CDC42: variants seen among roughly 807,000 people sequenced by gnomAD.
The protein encoded by CDC42 is cell division control protein 42 homolog.
Under a neutral mutation model 20.8 loss-of-function variants are expected in CDC42, and 1 was observed. The ratio of observed to expected loss-of-function variants is 0.05; its 90% confidence interval spans 0.02 to 0.23. The LOEUF is 0.23. Ranked by LOEUF, CDC42 falls within the 10% of genes least tolerant of loss-of-function variation. The pLI is 1.00. For missense variants in CDC42, 49 were observed against 227.9 expected, an observed-to-expected ratio of 0.21 and a Z score of 5.05; for synonymous variants, 72 against 84.8, an observed-to-expected ratio of 0.85 and a Z score of 0.83.
chr1:22,081,034 T>TG (rs1645602000), intron 2 of CDC42, among the ~76,000 whole-genome samples: 1 of 152,088 alleles, frequency 6.6e-6, no homozygotes, highest in Non-Finnish European at 1.5e-5. Context: ...CTGGGTGTGG[T>TG]GGCATGCACC....
chr1:22,056,998 T>C (rs1321352061), intron 1 of CDC42, among the ~76,000 whole-genome samples: 1 of 152,260 alleles, frequency 6.6e-6, no homozygotes, highest in Non-Finnish European at 1.5e-5. Context: ...ATTTCAATTC[T>C]GCTGTGTGTT....
At chr1:22,088,717 G>A (rs1297352519) in intron 5 of CDC42, among the ~76,000 whole-genome samples, 2 of 152,148 alleles carry the variant, frequency 1.3e-5, no homozygotes, top group African/African-American at 2.4e-5. Context: ...GTTTCTAATA[G>A]TCCTCCTCCT....
intron 1 of CDC42, among the ~76,000 whole-genome samples, chr1:22,066,956 A>G (rs2473319): frequency 0.95 from 144,004 of 152,226 alleles, 68,204 homozygotes; most frequent in East Asian, 1. Flanking sequence ...CCAGCTACTC[A>G]GGAAGTTGAG....
chr1:22,070,470 TTTTTTTTTTTTG>T, intron 1 of CDC42, among the ~76,000 whole-genome samples: 2 of 122,154 alleles, frequency 1.6e-5, no homozygotes, highest in South Asian at 2.8e-4. Flanking sequence ...TTTTTTTTTT[TTTTTTTTTTTTG>T]AGACAGAGTC....
At position 22,054,953 on chromosome 1, in the gene CDC42, T is replaced by A. The variant is rs1294179357; in HGVS notation, c.-51+2211T>A. On this transcript the variant is annotated intron_variant, in intron 1 of 5. Transcript: ENST00000656825. ...TTTTTTTTTTTTTTTTTTTTTTTTT[T>A]TTTTTTTTTTTTTTTTTTGAGAAGG... Among the ~76,000 whole-genome samples, 132 of 45,854 alleles carry A rather than the reference T, an allele frequency of 2.9e-3. 6 individuals carry two copies. Among genetic ancestry groups the A allele is most frequent in the East Asian group, 4.0e-3 (6 of 1,486 alleles). The allele number at this position is 45,854 out of a possible 152,430, so 30.1% of individuals were successfully genotyped here.
chr1:22,084,538 T>A (rs974260237), intron 3 of CDC42, among the ~76,000 whole-genome samples: 1 of 152,022 alleles, frequency 6.6e-6, no homozygotes, highest in African/African-American at 2.4e-5. Flanking sequence ...GGGTAAGTTT[T>A]AGGAGTTCTT....
Position 22,081,854 on chromosome 1 carries a change from CT to C in CDC42, c.178+62del, listed in dbSNP as rs574782905. 38 of 1,089,828 alleles carry C rather than the reference CT, an allele frequency of 3.5e-5. No homozygotes were observed. In the East Asian group the frequency reaches 7.1e-4, roughly 20 times the overall value. The allele number at this position is 1,089,828 out of a possible 1,614,324, so 67.5% of individuals were successfully genotyped here. A position where few individuals can be genotyped will look rare whatever the true frequency, so the allele number is the denominator to read the frequency against. On this transcript the variant is annotated intron_variant, in intron 3 of 5. Coordinates refer to ENST00000656825, the MANE Select transcript of CDC42 (RefSeq NM_001791.4). ...TTTAACAGTTGCTAGTTGTCTGTCT[CT>C]TGTGGACATTTTGAGAAACTAGCAC... is the stretch of plus-strand genomic sequence containing the variant.
In CDC42 at chr1:22,054,904, TATATATATATATATATA is replaced by T. The variant is rs199656462; in HGVS notation, c.-51+2163_-51+2179del. On this transcript the variant is annotated intron_variant, in intron 1 of 5. Coordinates refer to ENST00000656825, the MANE Select transcript of CDC42 (RefSeq NM_001791.4). The stretch of plus-strand genomic sequence containing the variant: ...GTTTGAATTTATGTATATATATATA[TATATATATATATATATA>T]TTTTTTTTTTTTTTTTTTTTTTTTT... 2.3e-3 allele frequency among the ~76,000 whole-genome samples: 31 copies of T among 13,610 alleles called. No individual in the cohort carries two copies. In the East Asian group the frequency reaches 0.072, roughly 32 times the overall value. 8.9% of individuals were successfully genotyped at this position (13,610 alleles called of 152,430 possible). A position where few individuals can be genotyped will look rare whatever the true frequency, so the allele number is the denominator to read the frequency against.
chr1:22,087,428 G>A (rs1453417346), intron 5 of CDC42, among the ~76,000 whole-genome samples: 2 of 152,128 alleles, frequency 1.3e-5, no homozygotes, highest in Non-Finnish European at 2.9e-5. Flanking sequence ...CATTCCGGCC[G>A]TTTTTGAGTG....
chr1:22,083,366 G>T (rs899887054), intron 3 of CDC42, among the ~76,000 whole-genome samples: 3 of 151,888 alleles, frequency 2.0e-5, no homozygotes, highest in African/African-American at 4.8e-5. Context: ...ACTTTGGGAG[G>T]CTGAGACAGG....
rs1204221590 is a variant in CDC42, at chr1:22,097,609, T to G, written c.*6092T>G. ...GCATTCTTGCGGCTCTACCTAAGTT[T>G]CTCCTAGAATCTCCCTGCACTTCTT... is the stretch of plus-strand genomic sequence containing the variant. On this transcript the variant is annotated 3_prime_UTR_variant, in exon 6 of 6. Transcript: ENST00000656825. Among the ~76,000 whole-genome samples the G allele has an allele frequency of 6.6e-6, 1 of 152,220 alleles. No individual in the cohort carries two copies. The highest frequency in any genetic ancestry group is 1.5e-5 in the Non-Finnish European group (1 of 68,040).
chr1:22,083,930 A>G (rs1645633503), intron 3 of CDC42, among the ~76,000 whole-genome samples: 1 of 152,146 alleles, frequency 6.6e-6, no homozygotes, highest in Non-Finnish European at 1.5e-5. Flanking sequence ...CTATTTTTAC[A>G]TAGCATAATG....
chr1:22,065,437 C>T (rs986954665), intron 1 of CDC42, among the ~76,000 whole-genome samples: 2 of 152,182 alleles, frequency 1.3e-5, no homozygotes, highest in Non-Finnish European at 2.9e-5. Context: ...CTAGGAGAAG[C>T]AAGGATTTTT....
chr1:22,088,923 GTT>G (rs1645689213), intron 5 of CDC42, among the ~76,000 whole-genome samples: 1 of 152,050 alleles, frequency 6.6e-6, no homozygotes. Context: ...ATTTACTGCT[GTT>G]TCTGATTTAT....
At chr1:22,084,295 T>A (rs1028838775) in intron 3 of CDC42, among the ~76,000 whole-genome samples, 2 of 151,650 alleles carry the variant, frequency 1.3e-5, no homozygotes, top group African/African-American at 4.9e-5. Flanking sequence ...GTACGTGGGG[T>A]TTGATATAGT....
intron 1 of CDC42, among the ~76,000 whole-genome samples, chr1:22,055,733 C>T (rs950129203): frequency 6.6e-6 from 1 of 152,128 alleles, no homozygotes; most frequent in African/African-American, 2.4e-5. Flanking sequence ...AAGCTATTTG[C>T]TCCTGTTGGC....
intron 1 of CDC42, among the ~76,000 whole-genome samples, chr1:22,058,607 C>T (rs542342843): frequency 2.2e-4 from 34 of 152,056 alleles, no homozygotes; most frequent in African/African-American, 7.5e-4. Context: ...CTCAACCTCC[C>T]GAGTAGCTGG....
Position 22,091,658 on chromosome 1 carries a change from T to A in CDC42, c.*141T>A, listed in dbSNP as rs565460775. 9.5e-5 allele frequency: 49 copies of A among 518,102 alleles called. No individual in the cohort carries two copies. The highest frequency in any genetic ancestry group is 8.7e-4 in the African/African-American group (45 of 51,480). 32.1% of individuals were successfully genotyped at this position (518,102 alleles called of 1,614,324 possible). On this transcript the variant is annotated 3_prime_UTR_variant, in exon 6 of 6. Transcript: ENST00000656825. ...CTGCACCTACCCACATGCACTCGTG[T>A]GAGACAAGGCCCATAGGTATGGCCC...
At chr1:22,086,625 G>T (rs1645664456) in intron 4 of CDC42, 44 bp from the exon 5 acceptor site, 2 of 1,597,498 alleles carry the variant, frequency 1.3e-6, no homozygotes, top group Non-Finnish European at 1.7e-6. Context: ...AGCATTAGAG[G>T]CTTGTTGATT....
Sources: allele counts gnomAD v4.1 joint callset (sites outside exome capture counted in the v4.1 genomes callset), GRCh38; gene constraint gnomAD v4.1.1; transcripts MANE v1.5; gene names NCBI Gene and HGNC (gene_info 2026-07-23, HGNC 2026-07-21).